Variants in IL20RB observed in about 807,000 individuals in gnomAD.
IL20RB encodes the protein interleukin 20 receptor subunit beta, also known as interleukin-20 receptor subunit beta.
IL20RB carries 21 observed loss-of-function variants against 33.3 expected under a neutral mutation model. The observed-to-expected ratio is 0.63, with a 90% confidence interval of 0.45 to 0.91. The LOEUF (loss-of-function observed/expected upper bound fraction) is 0.91, where lower values mean the gene tolerates loss of function less well. Among genes scored for constraint, IL20RB ranks in the 40% least tolerant of loss-of-function variants. IL20RB has a pLI of 0.00. For missense variants in IL20RB, 345 were observed against 384.8 expected (o/e 0.90, Z 0.86); for synonymous variants, 147 against 146.8 (o/e 1.00, Z -0.01).
At chr3:136,975,824 A>G (rs1156319934) in intron 1 of IL20RB, among the ~76,000 whole-genome samples, 1 of 152,024 alleles carries the variant, frequency 6.6e-6, no homozygotes, top group Admixed American at 6.6e-5. Flanking sequence ...TCCCAGGGTT[A>G]TGTATGCGGG....
intron 4 of IL20RB, among the ~76,000 whole-genome samples, chr3:136,989,983 T>TCTTG (rs1436652440): frequency 6.6e-6 from 1 of 152,104 alleles, no homozygotes; most frequent in African/African-American, 2.4e-5. Flanking sequence ...AGGGTGTGTG[T>TCTTG]CTTGGCAGGG....
chr3:136,960,935 CATCAG>C (rs1941201884), intron 1 of IL20RB, among the ~76,000 whole-genome samples: 1 of 152,228 alleles, frequency 6.6e-6, no homozygotes, highest in Non-Finnish European at 1.5e-5. Flanking sequence ...AGGGAGTGGA[CATCAG>C]GCCCACTGAG....
chr3:136,970,977 G>A (rs1011780863), intron 1 of IL20RB, among the ~76,000 whole-genome samples: 2 of 151,980 alleles, frequency 1.3e-5, no homozygotes, highest in South Asian at 2.1e-4. Context: ...TTTATTTCAC[G>A]TGGGGTAAAT....
chr3:136,987,175 G>A (rs895027462), intron 3 of IL20RB, among the ~76,000 whole-genome samples: 3 of 152,124 alleles, frequency 2.0e-5, no homozygotes, highest in Non-Finnish European at 4.4e-5. Context: ...TCTCTTATCT[G>A]GCCCCACCCA....
intron 6 of IL20RB, among the ~76,000 whole-genome samples, chr3:136,996,460 A>C (rs551012831): frequency 6.6e-6 from 1 of 152,326 alleles, no homozygotes; most frequent in South Asian, 2.1e-4. Flanking sequence ...CTAAAGCCAG[A>C]ACTACCTGCA....
At chr3:136,971,510 G>T (rs1334084704) in intron 1 of IL20RB, among the ~76,000 whole-genome samples, 1 of 152,144 alleles carries the variant, frequency 6.6e-6, no homozygotes, top group African/African-American at 2.4e-5. Context: ...ACTCTTCCCA[G>T]TTTCTGTTAT....
At chr3:136,980,318 T>A in intron 1 of IL20RB, 148 bp from the exon 2 acceptor site, 1 of 818,124 alleles carries the variant, frequency 1.2e-6, no homozygotes, top group Non-Finnish European at 2.1e-6. Flanking sequence ...CAGAGTCTCA[T>A]TCTGTTGTCT....
chr3:136,992,024 G>A lies in IL20RB; in HGVS notation c.618G>A (p.Gln206=). 6.2e-7 allele frequency: 1 copy of A among 1,614,214 alleles called. No homozygotes were observed. Among genetic ancestry groups the A allele is most frequent in the Non-Finnish European group, 8.5e-7 (1 of 1,180,040 alleles). The change falls in exon 5 of 7, where the codon CAG becomes CAA. Residue 206 remains glutamine, a synonymous_variant. Coordinates refer to ENST00000329582, the MANE Select transcript of IL20RB (RefSeq NM_144717.4). Reference sequence around the variant, plus strand: ...GGGCTGCATACTGTGTGAAGGCCCAGACATTCGTGAAGGCCATTGGGAGGT... The same window carrying A: ...GGGCTGCATACTGTGTGAAGGCCCAAACATTCGTGAAGGCCATTGGGAGGT... ...EPGAAYCVKA[Q]TFVKAIGRYS...
intron 6 of IL20RB, among the ~76,000 whole-genome samples, chr3:136,999,380 G>A (rs1347571148): frequency 6.6e-6 from 1 of 152,124 alleles, no homozygotes; most frequent in Non-Finnish European, 1.5e-5. Context: ...ATAGGCATGA[G>A]CCACTGCACC....
chr3:137,003,795 A>G (rs1230462751), intron 6 of IL20RB, among the ~76,000 whole-genome samples: 1 of 152,158 alleles, frequency 6.6e-6, no homozygotes, highest in African/African-American at 2.4e-5. Context: ...CAGAACTTCC[A>G]ACACTATGTT....
chr3:136,995,597 C>A, intron 6 of IL20RB, 41 bp downstream of exon 6: 1 of 1,601,342 alleles, frequency 6.2e-7, no homozygotes, highest in Non-Finnish European at 8.5e-7. Flanking sequence ...ATAACACTGA[C>A]CAGATGTAGT....
At chr3:136,982,088 A>C in intron 2 of IL20RB, 72 bp from the exon 3 acceptor site, 2 of 1,146,082 alleles carry the variant, frequency 1.7e-6, no homozygotes, top group Non-Finnish European at 1.2e-6. Flanking sequence ...GAACGAAGTC[A>C]GTTACTTGCA....
chr3:136,961,430 A>G (rs1238600895), intron 1 of IL20RB, among the ~76,000 whole-genome samples: 2 of 151,806 alleles, frequency 1.3e-5, no homozygotes, highest in Non-Finnish European at 2.9e-5. Context: ...CCGTGACTTC[A>G]CAGCTAGAGA....
chr3:136,970,611 TTTCCTTCCTTCCTTCCTTCC>T (rs71134422), intron 1 of IL20RB, among the ~76,000 whole-genome samples: 49,078 of 142,036 alleles, frequency 0.35, 8,651 homozygotes, highest in East Asian at 0.55. Flanking sequence ...GTTATTCTAG[TTTCCTTCCTTCCTTCCTTCC>T]TTCCTTCCTT....
At position 136,991,956 on chromosome 3, in the gene IL20RB, A is replaced by G. The variant is rs1560074395; in HGVS notation, c.550A>G (p.Arg184Gly). The G allele has an allele frequency of 1.9e-6, 3 of 1,614,104 alleles. No individual in the cohort carries two copies. The highest frequency in any genetic ancestry group is 1.7e-6 in the Non-Finnish European group (2 of 1,179,978). The part of the protein sequence containing the change: ...PGAEEHVKMV[R>G]SGGIPVHLET... Reference sequence around the variant, plus strand: ...GTCAAAGGAACATGTCAAAATGGTGAGGAGTGGGGGTATTCCAGTGCACCT... The same window carrying G: ...GTCAAAGGAACATGTCAAAATGGTGGGGAGTGGGGGTATTCCAGTGCACCT... Residue 184 changes from arginine (R) to glycine (G), a missense_variant, in exon 5 of 7, where the codon AGG becomes GGG. Arg to Gly is a moderately radical substitution (Grantham distance 125). Transcript: ENST00000329582.
At chr3:136,977,199 T>G (rs921397277) in intron 1 of IL20RB, among the ~76,000 whole-genome samples, 1 of 152,264 alleles carries the variant, frequency 6.6e-6, no homozygotes, top group African/African-American at 2.4e-5. Context: ...GTCAGCCATC[T>G]TGAAGCCCCT....
rs200898384 is a variant in IL20RB at position 137,010,068 on chromosome 3, A to G, written c.826-45A>G. On this transcript the variant is annotated intron_variant, in intron 6 of 6. Transcript: ENST00000329582. ...TGTAATAATATTCTTTAGTATTACTACTACTGCTATCCTCTAATGAATATT... is the reference window on the plus strand; with the variant it reads ...TGTAATAATATTCTTTAGTATTACTGCTACTGCTATCCTCTAATGAATATT... 7.1e-4 allele frequency: 615 copies of G among 867,738 alleles called. 1 individual carries two copies. Among genetic ancestry groups the G allele is most frequent in the Admixed American group, 5.1e-4 (30 of 58,268 alleles). The allele number at this position is 867,738 out of a possible 1,614,324, so 53.8% of individuals were successfully genotyped here. A position where few individuals can be genotyped will look rare whatever the true frequency, so the allele number is the denominator to read the frequency against.
intron 1 of IL20RB, among the ~76,000 whole-genome samples, chr3:136,978,495 T>G (rs1941684332): frequency 6.6e-6 from 1 of 152,182 alleles, no homozygotes; most frequent in Admixed American, 6.5e-5. Flanking sequence ...AATGAATGGA[T>G]GTGGGTTTTG....
At chr3:136,970,608 T>C (rs1941450113) in intron 1 of IL20RB, among the ~76,000 whole-genome samples, 1 of 150,980 alleles carries the variant, frequency 6.6e-6, no homozygotes, top group Non-Finnish European at 1.5e-5. Context: ...TTAGTTATTC[T>C]AGTTTCCTTC....
Sources: gnomAD v4.1 joint callset for allele counts (sites outside exome capture counted in the v4.1 genomes callset) on GRCh38, gnomAD v4.1.1 for gene constraint, MANE v1.5 for transcripts, NCBI Gene and HGNC (gene_info 2026-07-23, HGNC 2026-07-21) for gene names.